The following SLC20A2 variants were observed in gnomAD, a reference collection of about 807,000 sequenced individuals.
SLC20A2 encodes the protein solute carrier family 20 member 2, also known as sodium-dependent phosphate transporter 2.
SLC20A2 carries 30 observed loss-of-function variants against 61.0 expected under a neutral mutation model. The ratio of observed to expected loss-of-function variants is 0.49; its 90% CI spans 0.37 to 0.67. The LOEUF (loss-of-function observed/expected upper bound fraction) is 0.67, where lower values mean the gene tolerates loss of function less well. Ranked by LOEUF, SLC20A2 falls within the 30% of genes least tolerant of loss-of-function variation. The probability of loss-of-function intolerance (pLI) is 0.00; values close to 1 mark genes in which losing one functional copy is unlikely to be tolerated. For synonymous variants in SLC20A2, 351 were observed against 353.3 expected, an observed-to-expected ratio of 0.99 and a Z score of 0.07; for missense variants, 626 against 866.4, an observed-to-expected ratio of 0.72 and a Z score of 3.48.
At chr8:42,505,098 A>AC (rs751756548), upstream of SLC20A2, among the ~76,000 whole-genome samples, 440 of 47,144 alleles carry the variant, frequency 9.3e-3, 3 homozygotes, top group Admixed American at 0.027. Flanking sequence ...GGGACGCAAT[A>AC]CCCCCCCAAC....
At chr8:42,419,766 CTTT>C (rs1178393412) in intron 10 of SLC20A2, 8 of 703,212 alleles carry the variant, frequency 1.1e-5, no homozygotes, top group African/African-American at 1.9e-5. Flanking sequence ...GTAAGTTGCT[CTTT>C]TTTTGGCTAA....
At chr8:42,451,890 AGAGGAAGAGGAAGAGATG>A (rs1319742312) in intron 5 of SLC20A2, among the ~76,000 whole-genome samples, 1 of 135,194 alleles carries the variant, frequency 7.4e-6, no homozygotes, top group Admixed American at 7.2e-5. Flanking sequence ...GAAGAGATGA[AGAGGAAGAGGAAGAGATG>A]GAGGAGGAGG....
rs59184749 is a variant in SLC20A2 at position 42,447,521 on chromosome 8, C to CA, written c.614-2760dup. Among the ~76,000 whole-genome samples the CA allele has an allele frequency of 5.3e-5, 8 of 151,682 alleles. No homozygotes were observed. The South Asian group carries it at 1.2e-3, about 24-fold the overall frequency. ...TGAAACCCCGTCTCTACTAAAAATA[C>CA]AAAAAAATTAGCCAGGCGTGGTGGT... On this transcript the variant is annotated intron_variant, in intron 5 of 10. Transcript: ENST00000520262.
chr8:42,451,033 G>A (rs1274067646), intron 5 of SLC20A2, among the ~76,000 whole-genome samples: 2 of 152,170 alleles, frequency 1.3e-5, no homozygotes, highest in Non-Finnish European at 2.9e-5. Context: ...GAAGAAAGAG[G>A]CCTTCTGAGT....
intron 1 of SLC20A2, among the ~76,000 whole-genome samples, chr8:42,508,274 T>TC (rs1810831151): frequency 6.6e-6 from 1 of 151,986 alleles, no homozygotes; most frequent in Admixed American, 6.5e-5. Context: ...AGGCCAGGAG[T>TC]CCCAGACCAG....
At chr8:42,540,000 T>C (rs1812971133) in intron 1 of SLC20A2, among the ~76,000 whole-genome samples, 1 of 152,358 alleles carries the variant, frequency 6.6e-6, no homozygotes, top group Non-Finnish European at 1.5e-5. Flanking sequence ...AAGCATTTAA[T>C]GCACACGTTT....
intron 1 of SLC20A2, among the ~76,000 whole-genome samples, chr8:42,479,807 G>A (rs550238720): frequency 1.3e-5 from 2 of 152,108 alleles, no homozygotes; most frequent in East Asian, 1.9e-4. Context: ...CCTGGGTGAC[G>A]GAGTGAGACC....
intron 1 of SLC20A2, among the ~76,000 whole-genome samples, chr8:42,516,965 T>G (rs1233322238): frequency 2.0e-5 from 3 of 152,186 alleles, no homozygotes; most frequent in African/African-American, 7.2e-5. Context: ...TCTGAGCTAC[T>G]TTTCATCTCG....
intron 1 of SLC20A2, among the ~76,000 whole-genome samples, chr8:42,506,614 C>T (rs947989994): frequency 5.3e-5 from 8 of 152,192 alleles, no homozygotes; most frequent in South Asian, 2.1e-4. Context: ...TTCAAATGGT[C>T]GTTAAGTATT....
At chr8:42,494,133 C>T (rs555380071) in intron 1 of SLC20A2, among the ~76,000 whole-genome samples, 2 of 152,188 alleles carry the variant, frequency 1.3e-5, no homozygotes, top group South Asian at 2.1e-4. Flanking sequence ...CAGTGAGACC[C>T]TGTCTCAAAA....
chr8:42,526,081 G>T (rs937476641), intron 1 of SLC20A2, among the ~76,000 whole-genome samples: 4 of 152,200 alleles, frequency 2.6e-5, no homozygotes, highest in African/African-American at 7.2e-5. Context: ...CAAGAGGGAA[G>T]CACAGAAACA....
At chr8:42,436,334 G>A (rs920675739) in intron 8 of SLC20A2, among the ~76,000 whole-genome samples, 11 of 152,072 alleles carry the variant, frequency 7.2e-5, no homozygotes, top group Admixed American at 5.9e-4. Context: ...GCAGCATCGC[G>A]CCCTGGCTGC....
In SLC20A2 at chr8:42,540,188, A is replaced by G. The variant is rs193243491; in HGVS notation, c.-265+1633T>C. ...GCGCCTGTAATCCCAGCTACCTGGGAGGCTAAGGAAGGAGAATCGCTTGAA... is the reference window on the plus strand; with the variant it reads ...GCGCCTGTAATCCCAGCTACCTGGGGGGCTAAGGAAGGAGAATCGCTTGAA... On this transcript the variant is annotated intron_variant, in intron 1 of 10. Transcript: ENST00000342228. Among the ~76,000 whole-genome samples the G allele has an allele frequency of 7.1e-3, 1,074 of 152,294 alleles. 10 individuals are homozygous for G. The highest frequency in any genetic ancestry group is 0.011 in the Non-Finnish European group (743 of 68,010).
At chr8:42,433,956 T>C (rs1174796453) in intron 8 of SLC20A2, among the ~76,000 whole-genome samples, 3 of 152,232 alleles carry the variant, frequency 2.0e-5, no homozygotes, top group African/African-American at 7.2e-5. Flanking sequence ...GGTTACACCA[T>C]TTTACACCCC....
At chr8:42,519,398 C>T (rs1318431801) in intron 1 of SLC20A2, among the ~76,000 whole-genome samples, 6 of 130,554 alleles carry the variant, frequency 4.6e-5, no homozygotes, top group South Asian at 4.8e-4. Context: ...GAGCCAAGAT[C>T]GCACCACTGC....
At chr8:42,462,519 T>C (rs1213147336) in intron 4 of SLC20A2, among the ~76,000 whole-genome samples, 1 of 151,914 alleles carries the variant, frequency 6.6e-6, no homozygotes, top group Non-Finnish European at 1.5e-5. Context: ...AGACAAGATG[T>C]ACCCAATAGG....
intron 8 of SLC20A2, among the ~76,000 whole-genome samples, chr8:42,433,172 C>A (rs1803990907): frequency 6.6e-6 from 1 of 152,132 alleles, no homozygotes. Flanking sequence ...TGAAACAGAT[C>A]TCCAGAACTT....
intron 3 of SLC20A2, among the ~76,000 whole-genome samples, chr8:42,464,092 C>CTTTTTTTTTTTTTTTTTTGTTTTT (rs1806937720): frequency 4.9e-5 from 1 of 20,540 alleles, no homozygotes; most frequent in East Asian, 2.1e-3. Flanking sequence ...GCTGGATGAT[C>CTTTTTTTTTTTTTTTTTTGTTTTT]TTTTTTTTTT....
intron 1 of SLC20A2, among the ~76,000 whole-genome samples, chr8:42,479,860 C>A (rs762818794): frequency 4.6e-5 from 7 of 152,042 alleles, no homozygotes; most frequent in Non-Finnish European, 1.0e-4. Context: ...CTTGTCAACT[C>A]ACCAGGCCAG....
Sources: gnomAD v4.1 joint callset for allele counts (sites outside exome capture counted in the v4.1 genomes callset) on GRCh38, gnomAD v4.1.1 for gene constraint, MANE v1.5 for transcripts, NCBI Gene and HGNC (gene_info 2026-07-23, HGNC 2026-07-21) for gene names.